Variants in TMEM178B observed in about 807,000 individuals in gnomAD.
TMEM178B encodes transmembrane protein 178B.
TMEM178B carries 5 observed loss-of-function variants against 31.0 expected under a neutral mutation model. The observed-to-expected ratio is 0.16, with a 90% CI of 0.08 to 0.34. The LOEUF is 0.34. Among genes scored for constraint, TMEM178B ranks in the 10% least tolerant of loss-of-function variants. The probability of loss-of-function intolerance (pLI) is 1.00; values close to 1 mark genes in which losing one functional copy is unlikely to be tolerated. For synonymous variants in TMEM178B, 164 were observed against 164.0 expected (o/e 1.00, Z 0.00); for missense variants, 275 against 400.3 (o/e 0.69, Z 2.67).
At position 141,305,665 on chromosome 7, in the gene TMEM178B, C is replaced by T. The variant is rs567906526; in HGVS notation, c.496+92961C>T. Among the ~76,000 whole-genome samples the T allele has an allele frequency of 6.6e-5, 10 of 152,060 alleles. No homozygotes were observed. The South Asian group carries it at 1.0e-3, about 16-fold the overall frequency. ...GGCCAGGCTGGTCTCAAACTCCTGA[C>T]CTCAAGTGATCCGCCCACCTTGGCC... On this transcript the variant is annotated intron_variant, in intron 2 of 3. Coordinates refer to ENST00000565468, the MANE Select transcript of TMEM178B (RefSeq NM_001195278.2).
chr7:141,156,458 G>A (rs1796071205), intron 1 of TMEM178B, among the ~76,000 whole-genome samples: 1 of 152,188 alleles, frequency 6.6e-6, no homozygotes, highest in African/African-American at 2.4e-5. Context: ...GTACCATAGA[G>A]CCTAGTAATA....
rs1794556110 is a variant in TMEM178B, at chr7:141,074,220, A to C, written c.-91A>C. On this transcript the variant is annotated 5_prime_UTR_variant, in exon 1 of 4. Coordinates refer to ENST00000565468, the MANE Select transcript of TMEM178B (RefSeq NM_001195278.2). This position sits in a 1 kb window ranked among gnomAD's most constrained non-coding sequence, Gnocchi z 5.1. ...GAGTCCCTCTCCTGCCCCCTCCCCCAGCTCGGCCGCCCGCCGCTTTGTTCC... is the reference window on the plus strand; with the variant it reads ...GAGTCCCTCTCCTGCCCCCTCCCCCCGCTCGGCCGCCCGCCGCTTTGTTCC... The C allele has an allele frequency of 1.4e-6, 2 of 1,433,368 alleles. No homozygotes were observed. The allele number at this position is 1,433,368 out of a possible 1,614,324, so 88.8% of individuals were successfully genotyped here.
At chr7:141,260,138 C>T (rs896613247) in intron 2 of TMEM178B, among the ~76,000 whole-genome samples, 2 of 149,918 alleles carry the variant, frequency 1.3e-5, no homozygotes, top group East Asian at 2.0e-4. Flanking sequence ...TGACCTTCCT[C>T]ATTTATTTGC....
chr7:141,202,294 A>G (rs1006968477), intron 1 of TMEM178B, among the ~76,000 whole-genome samples: 1 of 146,352 alleles, frequency 6.8e-6, no homozygotes, highest in Non-Finnish European at 1.5e-5. Context: ...TGAATATATA[A>G]TAAATGTGTT....
At chr7:141,088,814 GA>G (rs1265145240) in intron 1 of TMEM178B, among the ~76,000 whole-genome samples, 2 of 151,526 alleles carry the variant, frequency 1.3e-5, no homozygotes, top group African/African-American at 4.8e-5. Flanking sequence ...GAGGCTTTAA[GA>G]AAAAAAATAA....
At chr7:141,325,538 G>T (rs1055637781) in intron 2 of TMEM178B, among the ~76,000 whole-genome samples, 23 of 152,102 alleles carry the variant, frequency 1.5e-4, no homozygotes, top group African/African-American at 5.6e-4. Context: ...GTTTTACCTG[G>T]TCTCCATAGG....
At chr7:141,496,226 CTT>C in the TMEM178B span, among the ~76,000 whole-genome samples, 1 of 152,244 alleles carries the variant, frequency 6.6e-6, no homozygotes, top group Middle Eastern at 3.4e-3. Flanking sequence ...GACACAGTGT[CTT>C]TTCATTTTTC....
chr7:141,094,094 C>A (rs935078338), intron 1 of TMEM178B, among the ~76,000 whole-genome samples: 3 of 151,682 alleles, frequency 2.0e-5, no homozygotes, highest in African/African-American at 7.3e-5. Context: ...AGGGACAAAA[C>A]TGATGGTGCA....
At chr7:141,319,585 C>T (rs4579440) in intron 2 of TMEM178B, among the ~76,000 whole-genome samples, 48,912 of 151,988 alleles carry the variant, frequency 0.32, 10,144 homozygotes, top group African/African-American at 0.58. Context: ...CGGAGTCTCA[C>T]TCTATTGCCC....
chr7:141,166,319 G>T (rs543409312), intron 1 of TMEM178B, among the ~76,000 whole-genome samples: 76 of 152,314 alleles, frequency 5.0e-4, no homozygotes, highest in African/African-American at 1.7e-3. Flanking sequence ...GGTCCTGCTG[G>T]ATTTATTTGA....
At chr7:141,280,887 T>C (rs1393432054) in intron 2 of TMEM178B, among the ~76,000 whole-genome samples, 1 of 152,200 alleles carries the variant, frequency 6.6e-6, no homozygotes, top group Non-Finnish European at 1.5e-5. Flanking sequence ...TTTCCTGTTT[T>C]CCTGCAAAGC....
intron 1 of TMEM178B, among the ~76,000 whole-genome samples, chr7:141,132,273 A>G (rs1380875128): frequency 6.6e-6 from 1 of 152,198 alleles, no homozygotes; most frequent in Non-Finnish European, 1.5e-5. Flanking sequence ...TTTTGGCTGT[A>G]ACCAAATTTA....
At chr7:141,194,549 C>G (rs1002430537) in intron 1 of TMEM178B, among the ~76,000 whole-genome samples, 3 of 152,330 alleles carry the variant, frequency 2.0e-5, no homozygotes, top group Middle Eastern at 6.8e-3. Flanking sequence ...AGCTCCGCCC[C>G]TGTGGCTTTG....
intron 1 of TMEM178B, among the ~76,000 whole-genome samples, chr7:141,137,187 A>G (rs1795688509): frequency 6.6e-6 from 1 of 152,220 alleles, no homozygotes; most frequent in Admixed American, 6.5e-5. Context: ...GAACTACTAT[A>G]TGATCCAGCA....
At chr7:141,485,214 G>A (rs1361050249), downstream of TMEM178B, among the ~76,000 whole-genome samples, 1 of 152,162 alleles carries the variant, frequency 6.6e-6, no homozygotes, top group Non-Finnish European at 1.5e-5. Context: ...TAGATCTGAA[G>A]GATGAGGGAA....
chr7:141,166,206 G>T (rs960725545), intron 1 of TMEM178B, among the ~76,000 whole-genome samples: 2 of 152,212 alleles, frequency 1.3e-5, no homozygotes, highest in African/African-American at 4.8e-5. Context: ...AGTTCCCCTT[G>T]TGCAGGATCC....
chr7:141,180,762 ATTAC>A (rs1796514987), intron 1 of TMEM178B, among the ~76,000 whole-genome samples: 1 of 152,194 alleles, frequency 6.6e-6, no homozygotes, highest in Non-Finnish European at 1.5e-5. Context: ...ATAATTATCT[ATTAC>A]TTGTGGTTTG....
the TMEM178B span, among the ~76,000 whole-genome samples, chr7:141,499,870 C>A: frequency 1.3e-5 from 2 of 152,158 alleles, no homozygotes; most frequent in African/African-American, 4.8e-5. Flanking sequence ...AATCCACATG[C>A]AAATATCTTA....
intron 2 of TMEM178B, among the ~76,000 whole-genome samples, chr7:141,260,052 C>G (rs1797987611): frequency 1.3e-5 from 2 of 151,948 alleles, no homozygotes; most frequent in Admixed American, 6.6e-5. Flanking sequence ...ATCAAGACCC[C>G]GATGTTTTAT....
Sources: allele counts gnomAD v4.1 joint callset (sites outside exome capture counted in the v4.1 genomes callset), GRCh38; gene constraint gnomAD v4.1.1; non-coding constraint Gnocchi (gnomAD v3.1); transcripts MANE v1.5; gene names NCBI Gene and HGNC (gene_info 2026-07-23, HGNC 2026-07-21).